Variants in GLIPR1L1 observed in about 807,000 individuals in gnomAD.
GLIPR1L1 encodes the protein GLIPR1-like protein 1.
Under a neutral mutation model 29.9 loss-of-function variants are expected in GLIPR1L1, and 26 were observed. The observed-to-expected ratio is 0.87, with a 90% confidence interval of 0.64 to 1.21. The LOEUF (loss-of-function observed/expected upper bound fraction) is 1.21. GLIPR1L1 is among the 50% of genes most tolerant of loss of function. The pLI is 0.00. For missense variants in GLIPR1L1, 305 were observed against 290.3 expected, an observed-to-expected ratio of 1.05 and a Z score of -0.37; for synonymous variants, 77 against 97.5, an observed-to-expected ratio of 0.79 and a Z score of 1.24.
chr12:75,364,137 T>C (rs965710686), intron 4 of GLIPR1L1, among the ~76,000 whole-genome samples: 3 of 152,218 alleles, frequency 2.0e-5, no homozygotes, highest in African/African-American at 7.2e-5. Context: ...AAAGAGTCTC[T>C]TCTATTAGAC....
intron 1 of GLIPR1L1, among the ~76,000 whole-genome samples, chr12:75,336,795 C>T (rs2041765191): frequency 6.6e-6 from 1 of 151,656 alleles, no homozygotes; most frequent in Admixed American, 6.6e-5. Flanking sequence ...TGACATTAAA[C>T]AATTTATACC....
At chr12:75,357,547 A>G (rs1229063788) in intron 3 of GLIPR1L1, among the ~76,000 whole-genome samples, 1 of 152,124 alleles carries the variant, frequency 6.6e-6, no homozygotes, top group Admixed American at 6.6e-5. Flanking sequence ...CCCAAAACAG[A>G]GGAATATATA....
chr12:75,337,312 G>C (rs986814045), intron 1 of GLIPR1L1, among the ~76,000 whole-genome samples: 4 of 151,480 alleles, frequency 2.6e-5, no homozygotes, highest in African/African-American at 9.7e-5. Context: ...TCAAAAGTTG[G>C]TTTAAAACTA....
chr12:75,351,167 C>T (rs1320023318), intron 3 of GLIPR1L1, among the ~76,000 whole-genome samples: 2 of 152,052 alleles, frequency 1.3e-5, no homozygotes, highest in African/African-American at 4.8e-5. Context: ...ACAAACAAAA[C>T]CTGTGAGAAC....
intron 1 of GLIPR1L1, among the ~76,000 whole-genome samples, chr12:75,338,387 G>A (rs149236391): frequency 0.011 from 1,723 of 152,108 alleles, 21 homozygotes; most frequent in Middle Eastern, 0.017. Context: ...TTGGATTGGG[G>A]GAATTTAATT....
chr12:75,337,105 A>T (rs1477235557), intron 1 of GLIPR1L1, among the ~76,000 whole-genome samples: 3 of 151,858 alleles, frequency 2.0e-5, no homozygotes, highest in Non-Finnish European at 3.0e-5. Context: ...ATAGCAAAAG[A>T]AGTGTTTGGA....
chr12:75,370,319 C>CA lies in GLIPR1L1; in HGVS notation c.*149dup, dbSNP rs1235193207. On this transcript the variant is annotated 3_prime_UTR_variant, in exon 6 of 6. Coordinates refer to ENST00000378695, the MANE Select transcript of GLIPR1L1 (RefSeq NM_001304964.2). The stretch of plus-strand genomic sequence containing the variant: ...CTAAATTTAATGTTTGTTTTTAACT[C>CA]AAAAAATGTACTGTAGTATGGAAAA... 6.2e-5 allele frequency: 34 copies of CA among 551,396 alleles called. No homozygotes were observed. Among genetic ancestry groups the CA allele is most frequent in the East Asian group, 4.5e-4 (16 of 35,236 alleles). 34.2% of individuals were successfully genotyped at this position (551,396 alleles called of 1,614,324 possible). A position where few individuals can be genotyped will look rare whatever the true frequency, so the allele number is the denominator to read the frequency against.
rs2043727684 is a variant in GLIPR1L1 at position 75,363,161 on chromosome 12, AAGAAG to A, written c.586_590del (p.Glu196MetfsTer15). 2 of 1,546,706 alleles carry A rather than the reference AAGAAG, an allele frequency of 1.3e-6. No individual in the cohort carries two copies. Among genetic ancestry groups the A allele is most frequent in the African/African-American group, 1.4e-5 (1 of 71,086 alleles). On this transcript the variant is annotated frameshift_variant, in exon 4 of 6. Coordinates refer to ENST00000378695, the MANE Select transcript of GLIPR1L1 (RefSeq NM_001304964.2). LOFTEE classifies it high-confidence loss of function. ...GGAGAATCTTGCTCTCTCTGCTCAAAAGAAGAGAAATGTGTAAAGAACCTCTGCAG... is the reference window on the plus strand; with the variant it reads ...GGAGAATCTTGCTCTCTCTGCTCAAAAGAAATGTGTAAAGAACCTCTGCAG...
At chr12:75,352,263 A>G (rs1358031042) in intron 3 of GLIPR1L1, among the ~76,000 whole-genome samples, 2 of 152,244 alleles carry the variant, frequency 1.3e-5, no homozygotes, top group African/African-American at 4.8e-5. Context: ...CAAGAGACCC[A>G]TCTCACATGC....
intron 2 of GLIPR1L1, among the ~76,000 whole-genome samples, chr12:75,346,370 C>T (rs968644232): frequency 2.6e-5 from 4 of 152,092 alleles, no homozygotes; most frequent in African/African-American, 9.7e-5. Context: ...TCACCAAAAC[C>T]ACAAAGATGG....
intron 2 of GLIPR1L1, among the ~76,000 whole-genome samples, chr12:75,346,628 A>G (rs1288823268): frequency 1.3e-5 from 2 of 152,150 alleles, no homozygotes; most frequent in African/African-American, 2.4e-5. Flanking sequence ...TGACCTCGCA[A>G]TCTGCCCGCC....
Position 75,365,876 on chromosome 12 carries a change from C to T in GLIPR1L1, c.610+2686C>T, listed in dbSNP as rs546416049. 3.3e-5 allele frequency among the ~76,000 whole-genome samples: 5 copies of T among 152,180 alleles called. No homozygotes were observed. In the East Asian group the frequency reaches 7.7e-4, roughly 23 times the overall value. ...AGCTGTTTTCATTAAACCAACAATA[C>T]CAAATGTCTTATTTAGCAAAAATTA... is the stretch of plus-strand genomic sequence containing the variant. On this transcript the variant is annotated intron_variant, in intron 4 of 5. Coordinates refer to ENST00000378695, the MANE Select transcript of GLIPR1L1 (RefSeq NM_001304964.2).
chr12:75,339,666 C>T (rs529001488), intron 1 of GLIPR1L1, among the ~76,000 whole-genome samples: 2 of 152,208 alleles, frequency 1.3e-5, no homozygotes, highest in South Asian at 2.1e-4. Flanking sequence ...TTGCCCGTGC[C>T]TATGTCCTGA....
Position 75,334,879 on chromosome 12 carries a change from C to T in GLIPR1L1, c.151C>T (p.Pro51Ser). ...HNEWRGKVNP[P>S]AADMKYMIWD... is the part of the protein sequence containing the mutation. ...CGAATGGCGTGGCAAAGTCAACCCT[C>T]CCGCGGCCGACATGAAATACATGGT... The change falls in exon 1 of 6, where the codon CCC (proline) becomes TCC (serine). Residue 51 changes from proline to serine, a missense_variant. Coordinates refer to ENST00000378695, the MANE Select transcript of GLIPR1L1 (RefSeq NM_001304964.2). 1 of 1,614,066 alleles carries T rather than the reference C, an allele frequency of 6.2e-7. No individual in the cohort carries two copies. The highest frequency in any genetic ancestry group is 8.5e-7 in the Non-Finnish European group (1 of 1,179,960).
chr12:75,341,301 G>A (rs1030752444), intron 1 of GLIPR1L1, among the ~76,000 whole-genome samples: 8 of 152,166 alleles, frequency 5.3e-5, no homozygotes, highest in Admixed American at 2.6e-4. Flanking sequence ...TCTATACCAT[G>A]GAATATGACT....
chr12:75,341,547 C>T lies in GLIPR1L1; in HGVS notation c.175-2146C>T, dbSNP rs571510707. Among the ~76,000 whole-genome samples, 51 of 150,170 alleles carry T rather than the reference C, an allele frequency of 3.4e-4. No homozygotes were observed. The South Asian group carries it at 0.011, about 31-fold the overall frequency. Reference sequence around the variant, plus strand: ...CTGCAAGCTCCGCCTCCCGGGTTCACGCCATTCTCCTGCCTCAGCCTCCGG... The same window carrying T: ...CTGCAAGCTCCGCCTCCCGGGTTCATGCCATTCTCCTGCCTCAGCCTCCGG... On this transcript the variant is annotated intron_variant, in intron 1 of 5. Transcript: ENST00000378695.
rs771209280 is a variant in GLIPR1L1, at chr12:75,334,905, G to A, written c.174+3G>A. The A allele has an allele frequency of 1.7e-5, 27 of 1,612,998 alleles. No individual in the cohort carries two copies. Among genetic ancestry groups the A allele is most frequent in the African/African-American group, 2.7e-5 (2 of 74,896 alleles). On this transcript the variant is annotated splice_donor_region_variant and intron_variant, in intron 1 of 5. Transcript: ENST00000378695. ...CCGCGGCCGACATGAAATACATGGT[G>A]AGAAAGAACCAGGGCTGGGCTCTTA...
At chr12:75,358,649 C>T (rs1263594394) in intron 3 of GLIPR1L1, among the ~76,000 whole-genome samples, 1 of 148,944 alleles carries the variant, frequency 6.7e-6, no homozygotes, top group East Asian at 2.0e-4. Context: ...ATATGTTAGA[C>T]TTTGCATGCC....
At chr12:75,356,454 A>T (rs565826999) in intron 3 of GLIPR1L1, among the ~76,000 whole-genome samples, 1 of 152,312 alleles carries the variant, frequency 6.6e-6, no homozygotes, top group South Asian at 2.1e-4. Context: ...CTTCTAATCC[A>T]TGTGAAGTGC....
Sources: gnomAD v4.1 joint callset for allele counts (sites outside exome capture counted in the v4.1 genomes callset) on GRCh38, gnomAD v4.1.1 for gene constraint, MANE v1.5 for transcripts, NCBI Gene and HGNC (gene_info 2026-07-23, HGNC 2026-07-21) for gene names.